SHANK2: variants seen among roughly 807,000 people sequenced by gnomAD.
SHANK2 encodes SH3 and multiple ankyrin repeat domains protein 2.
Under a neutral mutation model 133.7 loss-of-function variants are expected in SHANK2, and 43 were observed. That is an observed-to-expected ratio of 0.32 (90% confidence interval 0.25 to 0.41). The LOEUF is 0.41. SHANK2 is among the 10% of genes least tolerant of loss of function. The probability of loss-of-function intolerance (pLI) is 1.00; values close to 1 mark genes in which losing one functional copy is unlikely to be tolerated. For synonymous variants in SHANK2, 1,017 were observed against 952.8 expected, an observed-to-expected ratio of 1.07 and a Z score of -1.24; for missense variants, 1,994 against 2,235.8, an observed-to-expected ratio of 0.89 and a Z score of 2.18.
At chr11:70,726,462 T>C (rs1555030713) in intron 14 of SHANK2, among the ~76,000 whole-genome samples, 1 of 124,914 alleles carries the variant, frequency 8.0e-6, no homozygotes, top group East Asian at 2.8e-4. Flanking sequence ...CTGTTCTGAG[T>C]CTGGTGTGGG....
intron 12 of SHANK2, among the ~76,000 whole-genome samples, chr11:70,813,500 TTG>T (rs1172156265): frequency 6.6e-6 from 1 of 151,838 alleles, no homozygotes; most frequent in Non-Finnish European, 1.5e-5. Flanking sequence ...ATGTGTAGAA[TTG>T]TGAGAAAGTT....
At chr11:71,193,625 G>A (rs979594754) in intron 2 of SHANK2, among the ~76,000 whole-genome samples, 2 of 152,120 alleles carry the variant, frequency 1.3e-5, no homozygotes, top group Non-Finnish European at 2.9e-5. Flanking sequence ...CCTGCTCCCC[G>A]TCCAGAGCTC....
intron 2 of SHANK2, among the ~76,000 whole-genome samples, chr11:71,166,037 G>A (rs970441507): frequency 6.4e-4 from 97 of 152,270 alleles, no homozygotes; most frequent in Middle Eastern, 3.4e-3. Context: ...AGCCTGGACC[G>A]ACACCAACAA....
rs902782926 is a variant in SHANK2 at position 70,726,392 on chromosome 11, T to A, written c.1778-27629A>T. Among the ~76,000 whole-genome samples the A allele has an allele frequency of 6.4e-5, 9 of 139,606 alleles. No homozygotes were observed. The Admixed American group carries it at 7.3e-4, about 11-fold the overall frequency. The allele number at this position is 139,606 out of a possible 152,430, so 91.6% of individuals were successfully genotyped here. A position where few individuals can be genotyped will look rare whatever the true frequency, so the allele number is the denominator to read the frequency against. On this transcript the variant is annotated intron_variant, in intron 14 of 25. Transcript: ENST00000601538. Reference sequence around the variant, plus strand: ...ACTTTGTTAATTCACCAATGCCTTATGGAGCTCACATGCCAGGCTCTGGTC... The same window carrying A: ...ACTTTGTTAATTCACCAATGCCTTAAGGAGCTCACATGCCAGGCTCTGGTC...
intron 11 of SHANK2, among the ~76,000 whole-genome samples, chr11:70,883,371 C>G (rs1326741671): frequency 1.3e-5 from 2 of 152,184 alleles, no homozygotes; most frequent in Non-Finnish European, 2.9e-5. Flanking sequence ...ACCCTGATAC[C>G]TACGGCAGGT....
chr11:70,845,068 A>G (rs2135445090), intron 11 of SHANK2, among the ~76,000 whole-genome samples: 1 of 151,926 alleles, frequency 6.6e-6, no homozygotes, highest in East Asian at 1.9e-4. Flanking sequence ...GTGTGGTGGC[A>G]CACACCTGTA....
intron 5 of SHANK2, among the ~76,000 whole-genome samples, chr11:71,112,811 T>C (rs1233678458): frequency 7.0e-6 from 1 of 143,874 alleles, no homozygotes; most frequent in African/African-American, 2.4e-5. Context: ...GACTCTGAGC[T>C]CAAGGCATAG....
chr11:70,654,696 C>A (rs990110165), intron 17 of SHANK2, among the ~76,000 whole-genome samples: 1 of 152,028 alleles, frequency 6.6e-6, no homozygotes, highest in Non-Finnish European at 1.5e-5. Flanking sequence ...CTCCTATTAG[C>A]CCCGCCCCCT....
intron 15 of SHANK2, among the ~76,000 whole-genome samples, chr11:70,679,224 GA>G (rs1332489685): frequency 6.6e-6 from 1 of 152,238 alleles, no homozygotes; most frequent in Non-Finnish European, 1.5e-5. Flanking sequence ...ACTGTGGAGG[GA>G]GGCACCATTT....
chr11:71,086,281 A>ATATATGT (rs1221591643), intron 8 of SHANK2, among the ~76,000 whole-genome samples: 4 of 112,796 alleles, frequency 3.5e-5, no homozygotes, highest in Admixed American at 1.2e-4. Context: ...ATGTTATATT[A>ATATATGT]TATATGTTAT....
intron 17 of SHANK2, among the ~76,000 whole-genome samples, chr11:70,646,834 TTTATTTATTTA>T (rs1565210662): frequency 3.7e-4 from 29 of 77,662 alleles, no homozygotes; most frequent in Middle Eastern, 7.1e-3. Flanking sequence ...ATTTATTTTA[TTTATTTATTTA>T]TTTATTTATT....
chr11:71,232,742 G>A (rs1555123137), intron 1 of SHANK2, among the ~76,000 whole-genome samples: 3 of 152,122 alleles, frequency 2.0e-5, no homozygotes. Context: ...CAAAACATGT[G>A]TTAATGGACT....
At chr11:71,113,654 C>T (rs1951928428) in intron 4 of SHANK2, among the ~76,000 whole-genome samples, 1 of 152,228 alleles carries the variant, frequency 6.6e-6, no homozygotes, top group African/African-American at 2.4e-5. Context: ...CTCCCGGTGA[C>T]CGGCTCCCCA....
chr11:70,905,546 G>A (rs1467104518), intron 10 of SHANK2, among the ~76,000 whole-genome samples: 5 of 152,200 alleles, frequency 3.3e-5, no homozygotes, highest in African/African-American at 7.2e-5. Flanking sequence ...CAGTGTGAGG[G>A]TGTTAGGAGC....
intron 11 of SHANK2, among the ~76,000 whole-genome samples, chr11:70,854,404 C>A (rs148665204): frequency 6.6e-6 from 1 of 152,022 alleles, no homozygotes; most frequent in Non-Finnish European, 1.5e-5. Context: ...CTGTTACTAG[C>A]ACTCAGCCCA....
intron 21 of SHANK2, chr11:70,495,760 T>G (rs2058961486): frequency 5.5e-6 from 1 of 182,456 alleles, no homozygotes; most frequent in African/African-American, 2.4e-5. Flanking sequence ...GCCACCAAGT[T>G]AGGGGAAGAG....
intron 2 of SHANK2, among the ~76,000 whole-genome samples, chr11:71,214,739 T>C (rs902316090): frequency 1.3e-5 from 2 of 151,972 alleles, no homozygotes; most frequent in African/African-American, 4.8e-5. Flanking sequence ...TGCCCTGTCC[T>C]CTGGGGTGGG....
intron 3 of SHANK2, among the ~76,000 whole-genome samples, chr11:71,134,584 C>T (rs1419734193): frequency 2.0e-5 from 3 of 151,820 alleles, no homozygotes; most frequent in Admixed American, 6.6e-5. Flanking sequence ...GGATTATAGG[C>T]GTGCATCACC....
intron 14 of SHANK2, among the ~76,000 whole-genome samples, chr11:70,777,388 T>C (rs528232541): frequency 6.7e-6 from 1 of 148,714 alleles, no homozygotes; most frequent in African/African-American, 2.5e-5. Context: ...CCCACCCATG[T>C]ATTCATCTAC....
Sources: allele counts gnomAD v4.1 joint callset (sites outside exome capture counted in the v4.1 genomes callset), GRCh38; gene constraint gnomAD v4.1.1; transcripts MANE v1.5; gene names NCBI Gene and HGNC (gene_info 2026-07-23, HGNC 2026-07-21).